PARVA: variants seen among roughly 807,000 people sequenced by gnomAD.
PARVA encodes the protein alpha-parvin.
PARVA carries 25 observed loss-of-function variants against 52.6 expected under a neutral mutation model. That is an observed-to-expected ratio of 0.48 (90% CI 0.35 to 0.66). The LOEUF is 0.66. PARVA is among the 30% of genes least tolerant of loss of function. The pLI, the probability that PARVA is intolerant of heterozygous loss-of-function variation, is 0.01. For synonymous variants in PARVA, 185 were observed against 179.1 expected (o/e 1.03, Z -0.26); for missense variants, 373 against 450.9 (o/e 0.83, Z 1.56).
chr11:12,382,632 G>A (rs1939509006), intron 1 of PARVA, among the ~76,000 whole-genome samples: 1 of 152,092 alleles, frequency 6.6e-6, no homozygotes, highest in African/African-American at 2.4e-5. Context: ...CACTCAACTA[G>A]TCATCACTCC....
At chr11:12,489,345 T>C (rs1277582054) in intron 4 of PARVA, among the ~76,000 whole-genome samples, 1 of 151,988 alleles carries the variant, frequency 6.6e-6, no homozygotes, top group Non-Finnish European at 1.5e-5. Context: ...AAAGTGTGAA[T>C]AATAATGAAA....
intron 6 of PARVA, among the ~76,000 whole-genome samples, chr11:12,504,748 CATG>C (rs1941412351): frequency 7.0e-6 from 1 of 143,196 alleles, no homozygotes; most frequent in Non-Finnish European, 1.5e-5. Flanking sequence ...AGCTGTGTGT[CATG>C]GGGTCAGGAG....
At chr11:12,502,447 T>G (rs1165810879) in intron 5 of PARVA, among the ~76,000 whole-genome samples, 1 of 151,772 alleles carries the variant, frequency 6.6e-6, no homozygotes, top group Non-Finnish European at 1.5e-5. Context: ...CCCCCTGTAA[T>G]GAAGAGCCGT....
chr11:12,403,288 A>G (rs1444318464), intron 1 of PARVA, among the ~76,000 whole-genome samples: 2 of 152,234 alleles, frequency 1.3e-5, no homozygotes. Flanking sequence ...CAGTTTTGCC[A>G]GGAGCAGCCT....
chr11:12,406,661 G>GTTTTTTTTTT lies in PARVA; in HGVS notation c.136+28896_136+28905dup, dbSNP rs571973101. On this transcript the variant is annotated intron_variant, in intron 1 of 12. Transcript: ENST00000334956. Reference sequence around the variant, plus strand: ...ATTGTTAGCTATTTAGGTTGTATCTGTTTTTTTTTTTTTTTTTTTTTTTTT... The same window carrying GTTTTTTTTTT: ...ATTGTTAGCTATTTAGGTTGTATCTGTTTTTTTTTTTTTTTTTTTTTTTTTTTTTTTTTTT... Among the ~76,000 whole-genome samples the GTTTTTTTTTT allele has an allele frequency of 8.4e-4, 65 of 77,792 alleles. 4 individuals carry two copies. The highest frequency in any genetic ancestry group is 1.6e-3 in the African/African-American group (29 of 18,484). The allele number at this position is 77,792 out of a possible 152,430, so 51.0% of individuals were successfully genotyped here.
chr11:12,490,012 C>T (rs1816193), intron 4 of PARVA, among the ~76,000 whole-genome samples: 23,764 of 151,412 alleles, frequency 0.16, 2,156 homozygotes, highest in African/African-American at 0.25. Context: ...GTCAGGAGAT[C>T]GAGACCATCC....
At chr11:12,378,156 C>A (rs918437606) in intron 1 of PARVA, among the ~76,000 whole-genome samples, 6 of 151,992 alleles carry the variant, frequency 3.9e-5, no homozygotes, top group Non-Finnish European at 8.8e-5. Flanking sequence ...TAGGCCCTGC[C>A]CCGCCCTCTG....
intron 4 of PARVA, among the ~76,000 whole-genome samples, chr11:12,484,508 TGTGTGTG>T (rs1941132167): frequency 2.7e-4 from 2 of 7,500 alleles, no homozygotes; most frequent in East Asian, 0.012. Context: ...TGTTTTGGTG[TGTGTGTG>T]TGTGTGTGTG....
At chr11:12,488,474 T>C (rs1011996554) in intron 4 of PARVA, among the ~76,000 whole-genome samples, 1 of 152,210 alleles carries the variant, frequency 6.6e-6, no homozygotes. Flanking sequence ...TCATTCCTAA[T>C]GGCCTATAGC....
chr11:12,378,080 T>G (rs1015123647), intron 1 of PARVA, among the ~76,000 whole-genome samples: 2 of 150,938 alleles, frequency 1.3e-5, no homozygotes, highest in African/African-American at 4.8e-5. Flanking sequence ...CGGGCGCCGC[T>G]TGGCGGCCGG....
At chr11:12,381,668 T>C (rs913139470) in intron 1 of PARVA, among the ~76,000 whole-genome samples, 4 of 152,234 alleles carry the variant, frequency 2.6e-5, no homozygotes, top group Admixed American at 2.6e-4. Flanking sequence ...ACATATTTTG[T>C]ATTGTATACT....
chr11:12,404,175 G>A (rs1939869680), intron 1 of PARVA, among the ~76,000 whole-genome samples: 1 of 151,760 alleles, frequency 6.6e-6, no homozygotes, highest in Non-Finnish European at 1.5e-5. Context: ...TATGGCCTAT[G>A]TGTAGTCTAT....
intron 1 of PARVA, among the ~76,000 whole-genome samples, chr11:12,393,044 G>GAAAAAAAAAAAAAAAAAAA (rs60966710): frequency 1.1e-4 from 5 of 46,160 alleles, no homozygotes; most frequent in African/African-American, 1.8e-4. Flanking sequence ...CCCAAATTGT[G>GAAAAAAAAAAAAAAAAAAA]AAAAAAAAAA....
At chr11:12,464,520 T>C (rs1940828823) in intron 1 of PARVA, among the ~76,000 whole-genome samples, 1 of 152,186 alleles carries the variant, frequency 6.6e-6, no homozygotes, top group Non-Finnish European at 1.5e-5. Context: ...TCCTTTTGCC[T>C]TTGGTCTTAT....
intron 5 of PARVA, among the ~76,000 whole-genome samples, chr11:12,499,770 G>A (rs1429118097): frequency 6.6e-6 from 1 of 152,046 alleles, no homozygotes; most frequent in Non-Finnish European, 1.5e-5. Flanking sequence ...CAAGTTCTGT[G>A]TGTGTCTGTA....
chr11:12,450,465 A>C (rs1205063046), intron 1 of PARVA, among the ~76,000 whole-genome samples: 1 of 152,190 alleles, frequency 6.6e-6, no homozygotes, highest in Admixed American at 6.5e-5. Flanking sequence ...CCAATACTAC[A>C]TATGCTAAGT....
At chr11:12,485,552 T>C (rs113190100) in intron 4 of PARVA, among the ~76,000 whole-genome samples, 2,369 of 152,266 alleles carry the variant, frequency 0.016, 23 homozygotes, top group Non-Finnish European at 0.024. Flanking sequence ...GCTGGAATTA[T>C]TTGGGGGAAA....
intron 1 of PARVA, among the ~76,000 whole-genome samples, chr11:12,413,638 C>A (rs1048771265): frequency 9.2e-5 from 14 of 152,232 alleles, no homozygotes; most frequent in Non-Finnish European, 1.9e-4. Flanking sequence ...GACCCAGCTG[C>A]ACATGATCTT....
At chr11:12,448,174 G>A (rs998090233) in intron 1 of PARVA, among the ~76,000 whole-genome samples, 1 of 152,186 alleles carries the variant, frequency 6.6e-6, no homozygotes, top group Non-Finnish European at 1.5e-5. Flanking sequence ...TTTTGGTCGT[G>A]TTGCAGCATG....
Sources: allele counts gnomAD v4.1 joint callset (sites outside exome capture counted in the v4.1 genomes callset), GRCh38; gene constraint gnomAD v4.1.1; transcripts MANE v1.5; gene names NCBI Gene and HGNC (gene_info 2026-07-23, HGNC 2026-07-21).